The following IL1RAP variants were observed in gnomAD, a reference collection of about 807,000 sequenced individuals.
IL1RAP encodes the protein interleukin-1 receptor accessory protein.
Under a neutral mutation model 60.7 loss-of-function variants are expected in IL1RAP, and 35 were observed. The observed-to-expected ratio is 0.58, with a 90% CI of 0.44 to 0.76. IL1RAP has a LOEUF of 0.76. Ranked by LOEUF, IL1RAP falls within the 30% of genes least tolerant of loss-of-function variation. IL1RAP has a pLI of 0.00. For synonymous variants in IL1RAP, 268 were observed against 250.9 expected (o/e 1.07, Z -0.64); for missense variants, 572 against 693.9 (o/e 0.82, Z 1.97).
chr3:190,616,581 T>C (rs1731290727), intron 5 of IL1RAP, among the ~76,000 whole-genome samples: 1 of 152,222 alleles, frequency 6.6e-6, no homozygotes, highest in Non-Finnish European at 1.5e-5. Flanking sequence ...TAGCAAAGTA[T>C]GTGTTTTATA....
intron 1 of IL1RAP, among the ~76,000 whole-genome samples, chr3:190,549,907 G>A (rs779607044): frequency 2.0e-5 from 3 of 152,294 alleles, no homozygotes; most frequent in South Asian, 2.1e-4. Flanking sequence ...AAAGGGGTAC[G>A]GAGTGAAGAT....
At chr3:190,583,356 A>G (rs1728167486) in intron 3 of IL1RAP, among the ~76,000 whole-genome samples, 1 of 152,248 alleles carries the variant, frequency 6.6e-6, no homozygotes, top group Non-Finnish European at 1.5e-5. Context: ...TAAATCAGCT[A>G]TGAGATTATT....
chr3:190,590,976 G>T (rs1034056430), intron 3 of IL1RAP, among the ~76,000 whole-genome samples: 8 of 151,994 alleles, frequency 5.3e-5, no homozygotes, highest in African/African-American at 1.9e-4. Flanking sequence ...TATCTTTCTG[G>T]GTATAGTTTG....
chr3:190,531,568 T>A (rs137915381), intron 1 of IL1RAP, among the ~76,000 whole-genome samples: 90 of 152,326 alleles, frequency 5.9e-4, no homozygotes, highest in African/African-American at 2.0e-3. Flanking sequence ...CACATACTCC[T>A]GAATGTTTAA....
intron 2 of IL1RAP, among the ~76,000 whole-genome samples, chr3:190,561,217 A>G (rs1725861243): frequency 6.6e-6 from 1 of 152,188 alleles, no homozygotes; most frequent in Non-Finnish European, 1.5e-5. Flanking sequence ...CCAAAAGTGT[A>G]TTACTCTTTA....
chr3:190,618,804 C>A (rs924347947), intron 5 of IL1RAP, among the ~76,000 whole-genome samples: 1 of 152,084 alleles, frequency 6.6e-6, no homozygotes, highest in East Asian at 1.9e-4. Context: ...ACAGGAGAAG[C>A]TGCGTTGAAA....
chr3:190,659,025 G>A (rs1734700955), exon 12 of IL1RAP: 2 of 152,146 alleles, frequency 1.3e-5, no homozygotes, highest in Admixed American at 1.3e-4. Flanking sequence ...ACAGATAGCA[G>A]TTTCTCTCCA....
intron 3 of IL1RAP, among the ~76,000 whole-genome samples, chr3:190,571,186 A>AT: frequency 6.6e-6 from 1 of 151,830 alleles, no homozygotes; most frequent in East Asian, 1.9e-4. Context: ...GGTGGGTTTT[A>AT]TTTTTTCCTA....
chr3:190,628,284 C>G (rs1467870035), intron 8 of IL1RAP, among the ~76,000 whole-genome samples: 1 of 152,142 alleles, frequency 6.6e-6, no homozygotes, highest in Non-Finnish European at 1.5e-5. Context: ...TGGAGGCTCA[C>G]AGGGAGAATT....
At chr3:190,597,081 A>G (rs1729440420) in intron 3 of IL1RAP, among the ~76,000 whole-genome samples, 1 of 152,182 alleles carries the variant, frequency 6.6e-6, no homozygotes, top group Non-Finnish European at 1.5e-5. Context: ...GACTCACTTT[A>G]CACACATATT....
rs1553838470 is a variant in IL1RAP at position 190,564,400 on chromosome 3, A to G, written c.64+47A>G. ...ATGTATTAAAATGCAAGTCATGCGT[A>G]GGGTAATGAGTCCACTCTTCCTGAA... is the stretch of plus-strand genomic sequence containing the variant. On this transcript the variant is annotated intron_variant, in intron 3 of 11. Transcript: ENST00000447382. 2.5e-6 allele frequency: 3 copies of G among 1,181,390 alleles called. No homozygotes were observed. In the South Asian group the frequency reaches 3.6e-5, roughly 14 times the overall value. 73.2% of individuals were successfully genotyped at this position (1,181,390 alleles called of 1,614,324 possible). A position where few individuals can be genotyped will look rare whatever the true frequency, so the allele number is the denominator to read the frequency against.
intron 5 of IL1RAP, among the ~76,000 whole-genome samples, chr3:190,619,814 A>G (rs1273160160): frequency 6.6e-6 from 1 of 152,160 alleles, no homozygotes; most frequent in Admixed American, 6.6e-5. Context: ...TAAAAATGCC[A>G]ATCAGACATC....
intron 7 of IL1RAP, among the ~76,000 whole-genome samples, chr3:190,626,664 C>CTTTTTTTT (rs766018376): frequency 7.0e-5 from 7 of 99,988 alleles, no homozygotes; most frequent in East Asian, 3.0e-4. Context: ...TGTCAGAGAC[C>CTTTTTTTT]TTTTTTTTTT....
At chr3:190,634,707 G>GTTTTTTTTTTTTTTTTTTTTTTTT (rs1167445179) in intron 9 of IL1RAP, among the ~76,000 whole-genome samples, 24 of 134,684 alleles carry the variant, frequency 1.8e-4, no homozygotes, top group African/African-American at 6.8e-4. Flanking sequence ...GGCCTGTTGT[G>GTTTTTTTTTTTTTTTTTTTTTTTT]TTTTTTTTTT....
chr3:190,650,365 C>G lies in IL1RAP; in HGVS notation c.*1660C>G, dbSNP rs1201940172. 1 of 985,250 alleles carries G rather than the reference C, an allele frequency of 1.0e-6. No individual in the cohort carries two copies. The highest frequency in any genetic ancestry group is 1.2e-6 in the Non-Finnish European group (1 of 829,916). The allele number at this position is 985,250 out of a possible 1,614,324, so 61.0% of individuals were successfully genotyped here. ...TTCCATGGTCACTGCTAAGCAGTAG[C>G]CAGCCATCGGGCATTAATTGATTTC... On this transcript the variant is annotated 3_prime_UTR_variant, in exon 12 of 12. Transcript: ENST00000447382.
chr3:190,567,545 C>T (rs1726524700), intron 3 of IL1RAP, among the ~76,000 whole-genome samples: 1 of 152,144 alleles, frequency 6.6e-6, no homozygotes, highest in South Asian at 2.1e-4. Flanking sequence ...ATGCTTGTGA[C>T]TTCAACGAGT....
chr3:190,633,430 C>T (rs540335125), intron 9 of IL1RAP, among the ~76,000 whole-genome samples: 4 of 152,112 alleles, frequency 2.6e-5, no homozygotes, highest in Non-Finnish European at 5.9e-5. Flanking sequence ...GATCTCGGCT[C>T]ACTGCAATCT....
intron 3 of IL1RAP, among the ~76,000 whole-genome samples, chr3:190,591,284 T>C (rs1416617858): frequency 6.6e-6 from 1 of 152,240 alleles, no homozygotes; most frequent in African/African-American, 2.4e-5. Context: ...GAATATTTAA[T>C]TTATTTGCAC....
intron 3 of IL1RAP, among the ~76,000 whole-genome samples, chr3:190,566,803 A>G (rs549032839): frequency 6.6e-6 from 1 of 152,266 alleles, no homozygotes; most frequent in South Asian, 2.1e-4. Flanking sequence ...GGGGGAAGAA[A>G]GAAATCATTG....
Sources: gnomAD v4.1 joint callset for allele counts (sites outside exome capture counted in the v4.1 genomes callset) on GRCh38, gnomAD v4.1.1 for gene constraint, MANE v1.5 for transcripts, NCBI Gene and HGNC (gene_info 2026-07-23, HGNC 2026-07-21) for gene names.